Variants in ADRA2C observed in about 807,000 individuals in gnomAD.
ADRA2C encodes alpha-2C adrenergic receptor.
Under a neutral mutation model 7.9 loss-of-function variants are expected in ADRA2C, and 4 were observed. The observed-to-expected ratio is 0.51, with a 90% CI of 0.25 to 1.16. ADRA2C has a LOEUF of 1.16. ADRA2C is among the 50% of genes most tolerant of loss of function. The probability of loss-of-function intolerance (pLI) is 0.15; values close to 1 mark genes in which losing one functional copy is unlikely to be tolerated. For missense variants in ADRA2C, 589 were observed against 677.7 expected, an observed-to-expected ratio of 0.87 and a Z score of 1.45; for synonymous variants, 368 against 328.9, an observed-to-expected ratio of 1.12 and a Z score of -1.29.
chr4:3,767,376 C>A lies in ADRA2C; in HGVS notation c.770C>A (p.Ser257Tyr), dbSNP rs1461725112. 1 of 1,539,166 alleles carries A rather than the reference C, an allele frequency of 6.5e-7. No homozygotes were observed. Among genetic ancestry groups the A allele is most frequent in the African/African-American group, 1.4e-5 (1 of 72,974 alleles). ...KRAPVGPDGA[S>Y]PTTENGLGAA... The stretch of plus-strand genomic sequence containing the variant: ...GCCCCCGTGGGCCCCGACGGTGCGT[C>A]CCCGACTACCGAAAACGGGCTGGGC... The change falls in exon 1 of 1, where the codon TCC becomes TAC. Residue 257 changes from serine (S) to tyrosine (Y), a missense_variant. By Grantham distance (144) the Ser-to-Tyr change is moderately radical (BLOSUM62 -2). Transcript: ENST00000330055.
chr4:3,768,108 C>T lies in ADRA2C; in HGVS notation c.*113C>T, dbSNP rs988599126. On this transcript the variant is annotated 3_prime_UTR_variant, in exon 1 of 1. Coordinates refer to ENST00000330055, the MANE Select transcript of ADRA2C (RefSeq NM_000683.4). ...CGGGGATGGATTGGCCTCCAGGGCGCAGGGGAGGGTGCGGCAGGGCAGGAG... is the reference window on the plus strand; with the variant it reads ...CGGGGATGGATTGGCCTCCAGGGCGTAGGGGAGGGTGCGGCAGGGCAGGAG... The T allele has an allele frequency of 4.2e-5, 8 of 190,850 alleles. No individual in the cohort carries two copies. The highest frequency in any genetic ancestry group is 9.2e-5 in the African/African-American group (1 of 10,922). The allele number at this position is 190,850 out of a possible 1,614,324, so 11.8% of individuals were successfully genotyped here. A position where few individuals can be genotyped will look rare whatever the true frequency, so the allele number is the denominator to read the frequency against.
Position 3,768,274 on chromosome 4 carries a change from G to A in ADRA2C, c.*279G>A. 1.4e-6 allele frequency: 1 copy of A among 717,458 alleles called. No homozygotes were observed. The highest frequency in any genetic ancestry group is 1.7e-5 in the African/African-American group (1 of 57,394). 44.4% of individuals were successfully genotyped at this position (717,458 alleles called of 1,614,324 possible). A position where few individuals can be genotyped will look rare whatever the true frequency, so the allele number is the denominator to read the frequency against. The stretch of plus-strand genomic sequence containing the variant: ...GGGAGCCCTGCCGAGGTGTGGCTGT[G>A]AGGTCAGGGTTTTAGAGAGCAGTGG... On this transcript the variant is annotated 3_prime_UTR_variant, in exon 1 of 1. Coordinates refer to ENST00000330055, the MANE Select transcript of ADRA2C (RefSeq NM_000683.4).
Position 3,767,813 on chromosome 4 carries a change from A to G in ADRA2C, c.1207A>G (p.Ser403Gly). The change falls in exon 1 of 1, where the codon AGC becomes GGC. Residue 403 changes from serine to glycine, a missense_variant. Physicochemically the swap from Ser to Gly is moderately conservative, Grantham distance 56. Transcript: ENST00000330055. Reference sequence around the variant, plus strand: ...CTGGTTCCCCTTCTTCTTCAGCTACAGCCTGTACGGCATCTGCCGCGAGGC... The same window carrying G: ...CTGGTTCCCCTTCTTCTTCAGCTACGGCCTGTACGGCATCTGCCGCGAGGC... ...LCWFPFFFSY[S>G]LYGICREACQ... The G allele has an allele frequency of 6.2e-7, 1 of 1,613,238 alleles. No homozygotes were observed. Among genetic ancestry groups the G allele is most frequent in the Non-Finnish European group, 8.5e-7 (1 of 1,179,860 alleles).
Position 3,768,346 on chromosome 4 carries a change from C to T in ADRA2C, c.*351C>T, listed in dbSNP as rs563687181. ...GCAAGCAAGGAGCCCCCCAAAGACACTACCACTCCCCATCCCCGTCTGACC... is the reference window on the plus strand; with the variant it reads ...GCAAGCAAGGAGCCCCCCAAAGACATTACCACTCCCCATCCCCGTCTGACC... On this transcript the variant is annotated 3_prime_UTR_variant, in exon 1 of 1. Coordinates refer to ENST00000330055, the MANE Select transcript of ADRA2C (RefSeq NM_000683.4). 5 of 712,636 alleles carry T rather than the reference C, an allele frequency of 7.0e-6. No individual in the cohort carries two copies. The highest frequency in any genetic ancestry group is 1.5e-5 in the South Asian group (1 of 66,828). The allele number at this position is 712,636 out of a possible 1,614,324, so 44.1% of individuals were successfully genotyped here. A position where few individuals can be genotyped will look rare whatever the true frequency, so the allele number is the denominator to read the frequency against.
At position 3,767,663 on chromosome 4, in the gene ADRA2C, G is replaced by A. The variant is rs771947201; in HGVS notation, c.1057G>A (p.Val353Ile). Residue 353 changes from valine to isoleucine, a missense_variant, in exon 1 of 1, where the codon GTC (valine) becomes ATC (isoleucine). Val to Ile is a conservative substitution (Grantham distance 29). Coordinates refer to ENST00000330055, the MANE Select transcript of ADRA2C (RefSeq NM_000683.4). ...CCTGTCGCGCGCCAGCTCGCGCTCC[G>A]TCGAGTTCTTCCTGTCGCGCCGGCG... ...GRLSRASSRS[V>I]EFFLSRRRRA... 1 of 1,545,220 alleles carries A rather than the reference G, an allele frequency of 6.5e-7. No individual in the cohort carries two copies. The highest frequency in any genetic ancestry group is 8.7e-7 in the Non-Finnish European group (1 of 1,149,584).
chr4:3,768,071 T>TTCCCAGAGACCAGGGGAGCTC lies in ADRA2C; in HGVS notation c.*87_*88insAGGGGAGCTCTCCCAGAGACC. 1 of 1,473,144 alleles carries TTCCCAGAGACCAGGGGAGCTC rather than the reference T, an allele frequency of 6.8e-7. No individual in the cohort carries two copies. The highest frequency in any genetic ancestry group is 9.2e-7 in the Non-Finnish European group (1 of 1,087,088). 91.3% of individuals were successfully genotyped at this position (1,473,144 alleles called of 1,614,324 possible). A position where few individuals can be genotyped will look rare whatever the true frequency, so the allele number is the denominator to read the frequency against. On this transcript the variant is annotated 3_prime_UTR_variant, in exon 1 of 1. Coordinates refer to ENST00000330055, the MANE Select transcript of ADRA2C (RefSeq NM_000683.4). ...AAGGGGCGGCCCGGACGGGGGAGCT[T>TTCCCAGAGACCAGGGGAGCTC]TCCCAGAGACCCGGGGATGGATTGG...
rs752352522 is a variant in ADRA2C at position 3,767,143 on chromosome 4, G to C, written c.537G>C (p.Ser179=). The part of the protein sequence containing the change: ...KATIVAVWLI[S]AVISFPPLVS... ...CCATCGTGGCCGTGTGGCTCATCTC[G>C]GCCGTCATCTCCTTCCCGCCGCTGG... Residue 179 remains serine, a synonymous_variant, in exon 1 of 1, where the codon TCG becomes TCC. Coordinates refer to ENST00000330055, the MANE Select transcript of ADRA2C (RefSeq NM_000683.4). 1.2e-6 allele frequency: 2 copies of C among 1,608,396 alleles called. No homozygotes were observed. Among genetic ancestry groups the C allele is most frequent in the Admixed American group, 1.7e-5 (1 of 59,962 alleles).
rs1352399026 is a variant in ADRA2C, at chr4:3,768,396, G to T, written c.*401G>T. ...CAAGGGCTGACTTCTCCAGGACCTA[G>T]TCGGGGGGTGGCTGCCAGGGGGCAA... On this transcript the variant is annotated 3_prime_UTR_variant, in exon 1 of 1. Transcript: ENST00000330055. The T allele has an allele frequency of 1.3e-5, 8 of 638,432 alleles. No individual in the cohort carries two copies. The highest frequency in any genetic ancestry group is 3.7e-5 in the African/African-American group (2 of 54,176). 39.5% of individuals were successfully genotyped at this position (638,432 alleles called of 1,614,324 possible).
In ADRA2C at chr4:3,766,566, G is replaced by T. The variant is rs1320788631; in HGVS notation, c.-41G>T. ...GGGGCGCCCGAGCTGCCGCGGCTGC[G>T]CCCCGGCTCCAGGAGGGACGGCGTA... On this transcript the variant is annotated 5_prime_UTR_variant, in exon 1 of 1. Coordinates refer to ENST00000330055, the MANE Select transcript of ADRA2C (RefSeq NM_000683.4). This position sits in a 1 kb window ranked among gnomAD's most constrained non-coding sequence, Gnocchi z 4.5. 3.5e-6 allele frequency: 4 copies of T among 1,131,698 alleles called. No homozygotes were observed. Among genetic ancestry groups the T allele is most frequent in the South Asian group, 4.3e-5 (1 of 23,464 alleles). The allele number at this position is 1,131,698 out of a possible 1,614,324, so 70.1% of individuals were successfully genotyped here.
In ADRA2C at chr4:3,766,434, G is replaced by A; in HGVS notation, c.-173G>A. ...GAGCCCGGCAGCCACGCTCTCCGGC[G>A]CGCCGCCCGCGGAGCCACCACGGCC... On this transcript the variant is annotated 5_prime_UTR_variant, in exon 1 of 1. Transcript: ENST00000330055. The surrounding 1 kb of genome is among the most constrained non-coding windows in gnomAD (Gnocchi z 4.5). 1 of 255,008 alleles carries A rather than the reference G, an allele frequency of 3.9e-6. No homozygotes were observed. The highest frequency in any genetic ancestry group is 6.1e-6 in the Non-Finnish European group (1 of 165,256). The allele number at this position is 255,008 out of a possible 1,614,324, so 15.8% of individuals were successfully genotyped here.
Position 3,768,139 on chromosome 4 carries a change from C to A in ADRA2C, c.*144C>A, listed in dbSNP as rs1322828060. On this transcript the variant is annotated 3_prime_UTR_variant, in exon 1 of 1. Coordinates refer to ENST00000330055, the MANE Select transcript of ADRA2C (RefSeq NM_000683.4). ...AGGGTGCGGCAGGGCAGGAGCTTGG[C>A]AGAGAGATAGCCGGGCTCCAGGGAG... The A allele has an allele frequency of 3.8e-6, 3 of 791,660 alleles. No homozygotes were observed. Among genetic ancestry groups the A allele is most frequent in the Admixed American group, 2.2e-5 (1 of 46,126 alleles). The allele number at this position is 791,660 out of a possible 1,614,324, so 49.0% of individuals were successfully genotyped here.
Position 3,766,693 on chromosome 4 carries a change from C to T in ADRA2C, c.87C>T (p.Gly29=). 1.4e-6 allele frequency: 2 copies of T among 1,429,052 alleles called. No homozygotes were observed. The highest frequency in any genetic ancestry group is 1.8e-6 in the Non-Finnish European group (2 of 1,096,320). The allele number at this position is 1,429,052 out of a possible 1,614,324, so 88.5% of individuals were successfully genotyped here. ...GCGGCGCGGGCGAGAGGGGCAGCGG[C>T]GGGGTTGCCAATGCCTCGGGGGCTT... is the stretch of plus-strand genomic sequence containing the variant. The part of the protein sequence containing the change: ...NASGAGERGS[G]GVANASGASW... The change falls in exon 1 of 1, where the codon GGC becomes GGT. Residue 29 remains glycine (G), a synonymous_variant. Coordinates refer to ENST00000330055, the MANE Select transcript of ADRA2C (RefSeq NM_000683.4). This position sits in a 1 kb window ranked among gnomAD's most constrained non-coding sequence, Gnocchi z 4.5.
Position 3,768,083 on chromosome 4 carries a change from C to CGGGGAGCTTTCCCAGAGACCG in ADRA2C, c.*93_*94insGCTTTCCCAGAGACCGGGGGA. The stretch of plus-strand genomic sequence containing the variant: ...GGACGGGGGAGCTTTCCCAGAGACC[C>CGGGGAGCTTTCCCAGAGACCG]GGGGATGGATTGGCCTCCAGGGCGC... On this transcript the variant is annotated 3_prime_UTR_variant, in exon 1 of 1. Coordinates refer to ENST00000330055, the MANE Select transcript of ADRA2C (RefSeq NM_000683.4). The CGGGGAGCTTTCCCAGAGACCG allele has an allele frequency of 7.4e-7, 1 of 1,347,728 alleles. No individual in the cohort carries two copies. Among genetic ancestry groups the CGGGGAGCTTTCCCAGAGACCG allele is most frequent in the Non-Finnish European group, 1.0e-6 (1 of 976,152 alleles). The allele number at this position is 1,347,728 out of a possible 1,614,324, so 83.5% of individuals were successfully genotyped here.
At position 3,766,501 on chromosome 4, in the gene ADRA2C, C is replaced by T; in HGVS notation, c.-106C>T. ...GCGCCGCGGTCCCCGGCGGGCGCGCCCGAGCAGCAGGCGGCGATGCGGGCG... is the reference window on the plus strand; with the variant it reads ...GCGCCGCGGTCCCCGGCGGGCGCGCTCGAGCAGCAGGCGGCGATGCGGGCG... On this transcript the variant is annotated 5_prime_UTR_variant, in exon 1 of 1. Transcript: ENST00000330055. This position sits in a 1 kb window ranked among gnomAD's most constrained non-coding sequence, Gnocchi z 4.5. The T allele has an allele frequency of 5.9e-6, 5 of 846,914 alleles. No individual in the cohort carries two copies. The highest frequency in any genetic ancestry group is 7.1e-6 in the Non-Finnish European group (5 of 704,546). The allele number at this position is 846,914 out of a possible 1,614,324, so 52.5% of individuals were successfully genotyped here. A position where few individuals can be genotyped will look rare whatever the true frequency, so the allele number is the denominator to read the frequency against.
chr4:3,766,894 C>G lies in ADRA2C; in HGVS notation c.288C>G (p.Ala96=), dbSNP rs766884931. The change falls in exon 1 of 1, where the codon GCC becomes GCG. Residue 96 remains alanine (A), a synonymous_variant. Transcript: ENST00000330055. This position sits in a 1 kb window ranked among gnomAD's most constrained non-coding sequence, Gnocchi z 4.5. ...TCTTCCTGGTGTCGCTGGCCTCGGC[C>G]GACATCCTGGTGGCCACGCTGGTCA... The part of the protein sequence containing the change: ...QNLFLVSLAS[A]DILVATLVMP... The G allele has an allele frequency of 3.7e-6, 6 of 1,610,138 alleles. No individual in the cohort carries two copies. The highest frequency in any genetic ancestry group is 5.1e-6 in the Non-Finnish European group (6 of 1,179,362).
Position 3,767,325 on chromosome 4 carries a change from G to T in ADRA2C, c.719G>T (p.Arg240Leu). 6.4e-7 allele frequency: 1 copy of T among 1,574,280 alleles called. No individual in the cohort carries two copies. The highest frequency in any genetic ancestry group is 8.6e-7 in the Non-Finnish European group (1 of 1,162,278). Residue 240 changes from arginine to leucine, a missense_variant, in exon 1 of 1, where the codon CGC (arginine) becomes CTC (leucine). Physicochemically the swap from Arg to Leu is moderately radical, Grantham distance 102 (BLOSUM62 -2). Coordinates refer to ENST00000330055, the MANE Select transcript of ADRA2C (RefSeq NM_000683.4). ...CGCATCTACCGAGTGGCCAAGCTGC[G>T]CACGCGCACGCTCAGCGAGAAGCGC... ...YARIYRVAKL[R>L]TRTLSEKRAP...
Position 3,767,923 on chromosome 4 carries a change from C to T in ADRA2C, c.1317C>T (p.Val439=), listed in dbSNP as rs1735494028. The change falls in exon 1 of 1, where the codon GTC becomes GTT. Residue 439 remains valine, a synonymous_variant. Coordinates refer to ENST00000330055, the MANE Select transcript of ADRA2C (RefSeq NM_000683.4). ...NSSLNPVIYT[V]FNQDFRRSFK... ...CGCTCAACCCGGTCATCTACACGGT[C>T]TTCAACCAGGATTTCCGGCGATCCT... 1 of 1,612,076 alleles carries T rather than the reference C, an allele frequency of 6.2e-7. No individual in the cohort carries two copies. Among genetic ancestry groups the T allele is most frequent in the Non-Finnish European group, 8.5e-7 (1 of 1,179,980 alleles).
rs769028798 is a variant in ADRA2C, at chr4:3,767,181, G to A, written c.575G>A (p.Arg192His). Residue 192 changes from arginine (R) to histidine (H), a missense_variant, in exon 1 of 1, where the codon CGC (arginine) becomes CAC (histidine). Arg to His is a conservative substitution (Grantham distance 29, BLOSUM62 0). Coordinates refer to ENST00000330055, the MANE Select transcript of ADRA2C (RefSeq NM_000683.4). The stretch of plus-strand genomic sequence containing the variant: ...TTCCCGCCGCTGGTCTCGCTCTACC[G>A]CCAGCCCGACGGCGCCGCCTACCCG... ...ISFPPLVSLY[R>H]QPDGAAYPQC... 1 of 1,609,806 alleles carries A rather than the reference G, an allele frequency of 6.2e-7. No homozygotes were observed. The highest frequency in any genetic ancestry group is 8.5e-7 in the Non-Finnish European group (1 of 1,179,576).
At position 3,767,567 on chromosome 4, in the gene ADRA2C, C is replaced by A; in HGVS notation, c.961C>A (p.Gln321Lys). 8.7e-7 allele frequency: 1 copy of A among 1,145,070 alleles called. No individual in the cohort carries two copies. Among genetic ancestry groups the A allele is most frequent in the South Asian group, 4.0e-5 (1 of 24,862 alleles). 70.9% of individuals were successfully genotyped at this position (1,145,070 alleles called of 1,614,324 possible). Residue 321 changes from glutamine (Q) to lysine (K), a missense_variant, in exon 1 of 1, where the codon CAG becomes AAG. Transcript: ENST00000330055. The stretch of plus-strand genomic sequence containing the variant: ...GGGGGGCGCGGGCGGTGCGGACGGG[C>A]AGGGGGCGGGGCCGGGGGCGGCTGA... The part of the protein sequence containing the change: ...AEGGAGGADG[Q>K]GAGPGAAESG...
Sources: gnomAD v4.1 joint callset for allele counts on GRCh38, gnomAD v4.1.1 for gene constraint, Gnocchi (gnomAD v3.1) non-coding constraint, MANE v1.5 for transcripts, NCBI Gene and HGNC (gene_info 2026-07-23, HGNC 2026-07-21) for gene names.